The following PGBD1 variants were observed in gnomAD, a reference collection of about 807,000 sequenced individuals.
PGBD1 encodes the protein piggyBac transposable element derived 1.
A neutral mutation model predicts 34.7 loss-of-function variants in PGBD1; 25 were observed. That is an observed-to-expected ratio of 0.72 (90% confidence interval 0.52 to 1.00). The LOEUF (loss-of-function observed/expected upper bound fraction) is 1.00. Among genes scored for constraint, PGBD1 ranks in the 50% least tolerant of loss-of-function variants. The pLI, the probability that PGBD1 is intolerant of heterozygous loss-of-function variation, is 0.00. For synonymous variants in PGBD1, 292 were observed against 335.7 expected (o/e 0.87, Z 1.42); for missense variants, 830 against 959.4 (o/e 0.87, Z 1.78).
chr6:28,290,400 A>G (rs1385960103), intron 4 of PGBD1, among the ~76,000 whole-genome samples: 2 of 152,178 alleles, frequency 1.3e-5, no homozygotes, highest in African/African-American at 2.4e-5. Context: ...CCGGCTGTAT[A>G]TAACAATTAT....
At chr6:28,291,550 C>CA (rs56160771) in intron 4 of PGBD1, among the ~76,000 whole-genome samples, 3,661 of 120,542 alleles carry the variant, frequency 0.03, 165 homozygotes, top group African/African-American at 0.086. Context: ...TCAAATTCTT[C>CA]AAAAAAAAAA....
intron 4 of PGBD1, among the ~76,000 whole-genome samples, chr6:28,292,465 C>T (rs1762489815): frequency 1.3e-5 from 2 of 151,674 alleles, no homozygotes; most frequent in Admixed American, 6.6e-5. Flanking sequence ...TATAATTTAG[C>T]ATTTAATTAC....
intron 4 of PGBD1, among the ~76,000 whole-genome samples, chr6:28,296,046 G>A (rs370840514): frequency 3.7e-4 from 56 of 152,324 alleles, no homozygotes; most frequent in African/African-American, 4.3e-4. Context: ...AAAATCAAGA[G>A]GCTAATGAAA....
chr6:28,300,497 C>T lies in PGBD1; in HGVS notation c.870-227C>T, dbSNP rs1416074126. ...GTGTACCAAGGATACTCAGTTATTT[C>T]TCCCAGGCTCAACAGTTAGTTCCAT... On this transcript the variant is annotated intron_variant, in intron 6 of 6. Coordinates refer to ENST00000682144, the MANE Select transcript of PGBD1 (RefSeq NM_032507.4). This position sits in a 1 kb window ranked among gnomAD's most constrained non-coding sequence, Gnocchi z 4.0. 6.6e-6 allele frequency among the ~76,000 whole-genome samples: 1 copy of T among 152,138 alleles called. No homozygotes were observed. The highest frequency in any genetic ancestry group is 1.5e-5 in the Non-Finnish European group (1 of 68,016).
intron 5 of PGBD1, 50 bp from the exon 6 acceptor site, chr6:28,297,845 T>TTTTAAAATAAAAAA: frequency 3.5e-6 from 1 of 283,634 alleles, no homozygotes. Context: ...TTTTTTTTTT[T>TTTTAAAATAAAAAA]CAAAATTCAC....
At position 28,302,208 on chromosome 6, in the gene PGBD1, C is replaced by G; in HGVS notation, c.2354C>G (p.Ala785Gly). The change falls in exon 7 of 7, where the codon GCT becomes GGT. Residue 785 changes from alanine to glycine, a missense_variant. By Grantham distance (60) the Ala-to-Gly change is moderately conservative. Coordinates refer to ENST00000682144, the MANE Select transcript of PGBD1 (RefSeq NM_032507.4). ...WQLHRACNPG[A>G]SLDPLDFRRF... ...CTACACAGAGCCTGTAACCCAGGTG[C>G]TTCTCTAGACCCCTTGGATTTTCGG... 6.2e-7 allele frequency: 1 copy of G among 1,614,148 alleles called. No homozygotes were observed. Among genetic ancestry groups the G allele is most frequent in the Non-Finnish European group, 8.5e-7 (1 of 1,180,022 alleles).
intron 1 of PGBD1, among the ~76,000 whole-genome samples, chr6:28,282,322 A>G (rs536642093): frequency 6.6e-6 from 1 of 152,074 alleles, no homozygotes; most frequent in East Asian, 1.9e-4. Context: ...TGCTCCACAA[A>G]TGTTGATTGA....
At chr6:28,296,736 C>T (rs1027412644) in intron 4 of PGBD1, 80 bp from the exon 5 acceptor site, 8 of 1,504,654 alleles carry the variant, frequency 5.3e-6, no homozygotes, top group African/African-American at 2.8e-5. Flanking sequence ...CGGTCTACAG[C>T]GTGGTATTCA....
chr6:28,298,060 C>A, intron 6 of PGBD1, 69 bp downstream of exon 6: 1 of 1,108,756 alleles, frequency 9.0e-7, no homozygotes. Flanking sequence ...ATCAGAGAAA[C>A]CAATTGGTCA....
At chr6:28,283,709 T>G in intron 1 of PGBD1, 67 bp from the exon 2 acceptor site, 2 of 1,405,744 alleles carry the variant, frequency 1.4e-6, no homozygotes, top group Non-Finnish European at 1.9e-6. Context: ...CATACAGTTT[T>G]GAAGCTCTTA....
chr6:28,299,739 A>G (rs1409564944), intron 6 of PGBD1, among the ~76,000 whole-genome samples: 2 of 152,328 alleles, frequency 1.3e-5, no homozygotes, highest in East Asian at 3.9e-4. Context: ...GCAGTGGCTC[A>G]TGCTTGTAAT....
intron 6 of PGBD1, among the ~76,000 whole-genome samples, chr6:28,299,609 T>C (rs919475937): frequency 1.3e-5 from 2 of 152,200 alleles, no homozygotes; most frequent in Non-Finnish European, 1.5e-5. Flanking sequence ...TAAAATATAC[T>C]CTTCATGCTT....
chr6:28,301,264 G>A lies in PGBD1; in HGVS notation c.1410G>A (p.Met470Ile). The A allele has an allele frequency of 6.2e-7, 1 of 1,614,038 alleles. No individual in the cohort carries two copies. The highest frequency in any genetic ancestry group is 8.5e-7 in the Non-Finnish European group (1 of 1,179,980). ...GTGTCTTACTTTTGAGTGGATTTAT[G>A]AGGCATCCTAGAAGGGAAATGTATT... ...VFGVLLLSGFMRHPRREMYWE... is the reference protein window; with the variant it reads ...VFGVLLLSGFIRHPRREMYWE... Residue 470 changes from methionine (M) to isoleucine (I), a missense_variant, in exon 7 of 7, where the codon ATG (methionine) becomes ATA (isoleucine). Around this residue, in one of 3 missense-constraint regions of PGBD1, gnomAD observed 372 missense variants for 427.9 expected, o/e 0.87. Transcript: ENST00000682144.
chr6:28,286,305 T>C (rs1438727540), intron 3 of PGBD1, among the ~76,000 whole-genome samples: 1 of 152,226 alleles, frequency 6.6e-6, no homozygotes, highest in Non-Finnish European at 1.5e-5. Flanking sequence ...CATTTGATAA[T>C]TTTGTACTCT....
At chr6:28,298,797 C>A (rs976928109) in intron 6 of PGBD1, among the ~76,000 whole-genome samples, 1 of 151,996 alleles carries the variant, frequency 6.6e-6, no homozygotes, top group South Asian at 2.1e-4. Context: ...GGAGAAGCCT[C>A]GGGAATGCCC....
At chr6:28,297,606 G>A (rs1762684747) in intron 5 of PGBD1, among the ~76,000 whole-genome samples, 2 of 150,422 alleles carry the variant, frequency 1.3e-5, no homozygotes, top group Non-Finnish European at 2.9e-5. Flanking sequence ...TTCCACCTTG[G>A]CCTCCCAAAG....
At chr6:28,287,251 A>T in intron 4 of PGBD1, 83 bp downstream of exon 4, 2 of 1,213,988 alleles carry the variant, frequency 1.6e-6, no homozygotes, top group Non-Finnish European at 2.4e-6. Context: ...CTCTTGGCTC[A>T]CACTCATCAT....
At chr6:28,292,855 C>T (rs79093134) in intron 4 of PGBD1, among the ~76,000 whole-genome samples, 9,439 of 152,190 alleles carry the variant, frequency 0.062, 300 homozygotes, top group South Asian at 0.11. Flanking sequence ...ATCTGCAAGC[C>T]GAGGAACACC....
Position 28,284,025 on chromosome 6 carries a change from A to G in PGBD1, c.212A>G (p.Gln71Arg), listed in dbSNP as rs1762208037. Residue 71 changes from glutamine (Q) to arginine (R), a missense_variant, in exon 2 of 7, where the codon CAA (glutamine) becomes CGA (arginine). This residue lies in a region of PGBD1 where 457 missense variants were observed against 515.4 expected (regional missense o/e 0.89). Transcript: ENST00000682144. ...ALAQLRELCH[Q>R]WLRPEMHTKE... is the part of the protein sequence containing the mutation. ...GCCCAACTCCGAGAACTTTGTCATC[A>G]ATGGCTGAGACCGGAGATGCACACC... 3.1e-6 allele frequency: 5 copies of G among 1,614,084 alleles called. No individual in the cohort carries two copies. Among genetic ancestry groups the G allele is most frequent in the Non-Finnish European group, 3.4e-6 (4 of 1,180,020 alleles).
Sources: gnomAD v4.1 joint callset for allele counts (sites outside exome capture counted in the v4.1 genomes callset) on GRCh38, gnomAD v4.1.1 for gene constraint, gnomAD v4.1.1 regional missense constraint, Gnocchi (gnomAD v3.1) non-coding constraint, MANE v1.5 for transcripts, NCBI Gene and HGNC (gene_info 2026-07-23, HGNC 2026-07-21) for gene names.